The following FREM3 variants were observed in gnomAD, a reference collection of about 807,000 sequenced individuals.
FREM3 encodes the protein FRAS1 related extracellular matrix 3.
A neutral mutation model predicts 129.1 loss-of-function variants in FREM3; 105 were observed. The observed-to-expected ratio is 0.81, with a 90% CI of 0.69 to 0.96. The LOEUF (loss-of-function observed/expected upper bound fraction) is 0.96. Ranked by LOEUF, FREM3 falls within the 40% of genes least tolerant of loss-of-function variation. FREM3 has a pLI of 0.00. For missense variants in FREM3, 2,593 were observed against 2,666.3 expected (o/e 0.97, Z 0.61); for synonymous variants, 1,014 against 1,044.9 (o/e 0.97, Z 0.57).
chr4:143,624,272 A>G lies in FREM3; in HGVS notation c.5489T>C (p.Ile1830Thr). Reference protein sequence around the residue: ...KDFKWKTNKQIQFNPGQTTAT... With the variant: ...KDFKWKTNKQTQFNPGQTTAT... Reference sequence around the variant, plus strand: ...TGTAGTCTGTCCAGGATTGAACTGGATCTGTTTATTGGTCTTCCATTTGAA... The same window carrying G: ...TGTAGTCTGTCCAGGATTGAACTGGGTCTGTTTATTGGTCTTCCATTTGAA... The change falls in exon 4 of 8, where the codon ATC becomes ACC. Residue 1830 changes from isoleucine (I) to threonine (T), a missense_variant. Physicochemically the swap from Ile to Thr is moderately conservative, Grantham distance 89. Coordinates refer to ENST00000329798, the MANE Select transcript of FREM3 (RefSeq NM_001168235.2). 4 of 1,537,040 alleles carry G rather than the reference A, an allele frequency of 2.6e-6. No individual in the cohort carries two copies. The highest frequency in any genetic ancestry group is 3.5e-6 in the Non-Finnish European group (4 of 1,146,800).
Position 143,690,852 on chromosome 4 carries a change from C to A in FREM3, c.5275+2261G>T, listed in dbSNP as rs182092292. ...TCCATGCATGGTACATGGAAGGCAACTGAAAAATTCACTCATTGGGCATGG... is the reference window on the plus strand; with the variant it reads ...TCCATGCATGGTACATGGAAGGCAAATGAAAAATTCACTCATTGGGCATGG... On this transcript the variant is annotated intron_variant, in intron 2 of 7. Coordinates refer to ENST00000329798, the MANE Select transcript of FREM3 (RefSeq NM_001168235.2). Among the ~76,000 whole-genome samples the A allele has an allele frequency of 2.8e-4, 42 of 152,200 alleles. No individual in the cohort carries two copies. The East Asian group carries it at 7.7e-3, about 28-fold the overall frequency.
chr4:143,700,579 C>CCCGT lies in FREM3; in HGVS notation c.93_96dup (p.Ala33ThrfsTer22). 2.0e-6 allele frequency: 3 copies of CCCGT among 1,495,492 alleles called. No individual in the cohort carries two copies. The South Asian group carries it at 3.8e-5, about 19-fold the overall frequency. 92.6% of individuals were successfully genotyped at this position (1,495,492 alleles called of 1,614,324 possible). A position where few individuals can be genotyped will look rare whatever the true frequency, so the allele number is the denominator to read the frequency against. ...TCGGGCTCGGTCCCAAGTGAGGATG[C>CCCGT]CCGTCCCTGCAGCGCGGGGCGACTC... On this transcript the variant is annotated frameshift_variant, in exon 1 of 8. Coordinates refer to ENST00000329798, the MANE Select transcript of FREM3 (RefSeq NM_001168235.2). LOFTEE classifies it high-confidence loss of function.
intron 6 of FREM3, 81 bp from the exon 7 acceptor site, chr4:143,586,074 G>A (rs1206665588): frequency 1.5e-6 from 2 of 1,364,934 alleles, no homozygotes; most frequent in African/African-American, 1.4e-5. Context: ...GTGAGCCTGG[G>A]CATTTGTCAT....
intron 5 of FREM3, among the ~76,000 whole-genome samples, chr4:143,613,859 A>G (rs1460114291): frequency 1.3e-5 from 2 of 152,206 alleles, no homozygotes; most frequent in East Asian, 1.9e-4. Flanking sequence ...AACTAACACT[A>G]TCTTCACTAA....
At chr4:143,596,641 A>G (rs2149836497) in intron 6 of FREM3, among the ~76,000 whole-genome samples, 1 of 152,280 alleles carries the variant, frequency 6.6e-6, no homozygotes. Flanking sequence ...GCATGAATCT[A>G]GAGTTCAAAA....
rs555809813 is a variant in FREM3 at position 143,579,336 on chromosome 4, A to T, written c.6179-1484T>A. The stretch of plus-strand genomic sequence containing the variant: ...GGTATGGTGGTGAGTGCCTGTAGTC[A>T]CAGCTACTTGGGAGGCTGAGGCTCA... On this transcript the variant is annotated intron_variant, in intron 7 of 7. Coordinates refer to ENST00000329798, the MANE Select transcript of FREM3 (RefSeq NM_001168235.2). 5.8e-4 allele frequency among the ~76,000 whole-genome samples: 89 copies of T among 152,210 alleles called. 1 individual carries two copies. The highest frequency in any genetic ancestry group is 1.0e-3 in the Admixed American group (16 of 15,282).
At chr4:143,622,594 A>G (rs1560848055) in intron 4 of FREM3, among the ~76,000 whole-genome samples, 1 of 152,104 alleles carries the variant, frequency 6.6e-6, no homozygotes. Context: ...AAGACCAGTG[A>G]TAGTTTTCTT....
chr4:143,669,855 T>C lies in FREM3; in HGVS notation c.5275+23258A>G, dbSNP rs530747618. Among the ~76,000 whole-genome samples, 48 of 152,290 alleles carry C rather than the reference T, an allele frequency of 3.2e-4. 1 individual carries two copies. The highest frequency in any genetic ancestry group is 2.6e-3 in the Admixed American group (39 of 15,288). On this transcript the variant is annotated intron_variant, in intron 2 of 7. Transcript: ENST00000329798. ...CATAGCGGGTACATGTGCAGGTTTG[T>C]TACATGGGTATATTGCAGCCAGATA...
chr4:143,638,285 T>C (rs1170845153), intron 2 of FREM3, among the ~76,000 whole-genome samples: 2 of 152,048 alleles, frequency 1.3e-5, no homozygotes, highest in African/African-American at 4.8e-5. Flanking sequence ...TTAAAAACGA[T>C]TATATTAGCA....
intron 2 of FREM3, among the ~76,000 whole-genome samples, chr4:143,663,179 T>C (rs895625908): frequency 3.3e-5 from 5 of 152,084 alleles, no homozygotes; most frequent in Non-Finnish European, 7.4e-5. Context: ...TTCCTAGTCT[T>C]GATGGTCTTT....
intron 2 of FREM3, among the ~76,000 whole-genome samples, chr4:143,666,893 A>G (rs1228292015): frequency 6.6e-6 from 1 of 152,178 alleles, no homozygotes; most frequent in East Asian, 1.9e-4. Context: ...ATATTTTACC[A>G]CAATGTAAAA....
intron 2 of FREM3, among the ~76,000 whole-genome samples, chr4:143,644,052 T>TAACATG (rs938606776): frequency 2.8e-4 from 42 of 152,192 alleles, no homozygotes; most frequent in African/African-American, 9.6e-4. Flanking sequence ...CTGCATAATT[T>TAACATG]AACATAGGAT....
chr4:143,634,445 A>G (rs976068057), intron 2 of FREM3, among the ~76,000 whole-genome samples: 2 of 152,080 alleles, frequency 1.3e-5, no homozygotes, highest in Admixed American at 1.3e-4. Flanking sequence ...CTGACATAAG[A>G]TACCCCAGGG....
chr4:143,582,492 A>G lies in FREM3; in HGVS notation c.6178+3352T>C, dbSNP rs569495098. Among the ~76,000 whole-genome samples, 8 of 152,266 alleles carry G rather than the reference A, an allele frequency of 5.3e-5. No homozygotes were observed. In the East Asian group the frequency reaches 1.5e-3, roughly 29 times the overall value. On this transcript the variant is annotated intron_variant, in intron 7 of 7. Transcript: ENST00000329798. ...TGAACAAAGCCTTGGCCCTCTGAAAACGTCCAGAAACAAAGTCAATTGACT... is the reference window on the plus strand; with the variant it reads ...TGAACAAAGCCTTGGCCCTCTGAAAGCGTCCAGAAACAAAGTCAATTGACT...
chr4:143,621,480 C>T (rs543662362), intron 4 of FREM3, among the ~76,000 whole-genome samples: 1 of 152,264 alleles, frequency 6.6e-6, no homozygotes, highest in African/African-American at 2.4e-5. Context: ...ATGGAGATCA[C>T]ATATTTATGT....
intron 6 of FREM3, 94 bp from the exon 7 acceptor site, chr4:143,586,087 T>C: frequency 8.0e-7 from 1 of 1,243,524 alleles, no homozygotes; most frequent in Non-Finnish European, 1.1e-6. Context: ...TTTGTCATAA[T>C]TGTCAGACAT....
chr4:143,664,949 G>C (rs1480424136), intron 2 of FREM3, among the ~76,000 whole-genome samples: 1 of 152,170 alleles, frequency 6.6e-6, no homozygotes, highest in Non-Finnish European at 1.5e-5. Flanking sequence ...GAAAAGTGCA[G>C]TATTTGGGTG....
rs80263833 is a variant in FREM3 at position 143,581,409 on chromosome 4, G to A, written c.6179-3557C>T. Reference sequence around the variant, plus strand: ...CTCCGGCATGGCACAAACACCATACGAAGAGGAGCTCAGTTTCTGTTTCCT... The same window carrying A: ...CTCCGGCATGGCACAAACACCATACAAAGAGGAGCTCAGTTTCTGTTTCCT... On this transcript the variant is annotated intron_variant, in intron 7 of 7. Coordinates refer to ENST00000329798, the MANE Select transcript of FREM3 (RefSeq NM_001168235.2). 5.6e-3 allele frequency among the ~76,000 whole-genome samples: 846 copies of A among 151,956 alleles called. 11 individuals are homozygous for A. Among genetic ancestry groups the A allele is most frequent in the African/African-American group, 0.02 (812 of 41,456 alleles).
At chr4:143,621,255 T>G (rs994507333) in intron 4 of FREM3, 93 bp from the exon 5 acceptor site, 2 of 1,140,524 alleles carry the variant, frequency 1.8e-6, no homozygotes, top group African/African-American at 3.1e-5. Context: ...AGCCTTTGAC[T>G]CTTATATTTT....
Sources: gnomAD v4.1 joint callset for allele counts (sites outside exome capture counted in the v4.1 genomes callset) on GRCh38, gnomAD v4.1.1 for gene constraint, MANE v1.5 for transcripts, NCBI Gene and HGNC (gene_info 2026-07-23, HGNC 2026-07-21) for gene names.